Variants in HIVEP3 observed in about 807,000 individuals in gnomAD.
The protein encoded by HIVEP3 is transcription factor HIVEP3.
HIVEP3 carries 49 observed loss-of-function variants against 152.8 expected under a neutral mutation model. The observed-to-expected ratio is 0.32, with a 90% CI of 0.26 to 0.41. The LOEUF is 0.41. HIVEP3 is among the 10% of genes least tolerant of loss of function. HIVEP3 has a pLI of 1.00. For synonymous variants in HIVEP3, 1,269 were observed against 1,289.0 expected (o/e 0.98, Z 0.33); for missense variants, 2,790 against 3,103.3 (o/e 0.90, Z 2.40).
At chr1:41,748,161 C>T (rs540981986) in intron 1 of HIVEP3, among the ~76,000 whole-genome samples, 21 of 152,268 alleles carry the variant, frequency 1.4e-4, no homozygotes, top group African/African-American at 4.8e-4. Context: ...GTGGGAAGCC[C>T]GTCAGAAGTC....
chr1:41,673,806 A>T (rs978689390), intron 2 of HIVEP3, among the ~76,000 whole-genome samples: 12 of 152,344 alleles, frequency 7.9e-5, no homozygotes, highest in African/African-American at 2.9e-4. Flanking sequence ...AAACCAAACC[A>T]TCAGAAATTT....
At chr1:42,010,823 G>T (rs1464462465) in intron 1 of HIVEP3, among the ~76,000 whole-genome samples, 2 of 152,088 alleles carry the variant, frequency 1.3e-5, no homozygotes, top group African/African-American at 4.8e-5. Context: ...CATCTTTCCA[G>T]TTAACCACCA....
chr1:41,843,580 T>C (rs565929306), intron 1 of HIVEP3, among the ~76,000 whole-genome samples: 103 of 151,570 alleles, frequency 6.8e-4, no homozygotes, highest in African/African-American at 2.5e-3. Flanking sequence ...AGACGGGTAG[T>C]TTAAGAAAAA....
intron 4 of HIVEP3, among the ~76,000 whole-genome samples, chr1:41,579,055 A>T (rs909690386): frequency 3.3e-5 from 5 of 152,182 alleles, no homozygotes; most frequent in African/African-American, 9.7e-5. Context: ...ATAGCTCCTG[A>T]TGTAGCCTCA....
chr1:41,745,992 C>T (rs1000707186), intron 1 of HIVEP3, among the ~76,000 whole-genome samples: 3 of 152,196 alleles, frequency 2.0e-5, no homozygotes, highest in African/African-American at 7.2e-5. Context: ...GAATGAATGG[C>T]TAAGTCACAA....
chr1:41,594,257 C>T (rs1312638382), intron 3 of HIVEP3, among the ~76,000 whole-genome samples: 1 of 151,378 alleles, frequency 6.6e-6, no homozygotes, highest in African/African-American at 2.4e-5. Flanking sequence ...GAGTCTCGCT[C>T]TGTTGCCCAG....
chr1:41,970,924 C>T (rs558763551), intron 1 of HIVEP3, among the ~76,000 whole-genome samples: 2 of 152,246 alleles, frequency 1.3e-5, no homozygotes, highest in East Asian at 3.9e-4. Context: ...AGGAAGCTGC[C>T]TGGCCCTGCT....
At chr1:41,709,841 G>A (rs1184570775) in intron 1 of HIVEP3, among the ~76,000 whole-genome samples, 1 of 152,144 alleles carries the variant, frequency 6.6e-6, no homozygotes, top group African/African-American at 2.4e-5. Flanking sequence ...AGGGCAATGG[G>A]GTCAATTGCA....
chr1:41,571,241 C>T (rs1337990744), intron 5 of HIVEP3, among the ~76,000 whole-genome samples: 1 of 152,230 alleles, frequency 6.6e-6, no homozygotes, highest in Non-Finnish European at 1.5e-5. Flanking sequence ...TCTTCCTCTT[C>T]CGTGTAAGCC....
Position 41,580,060 on chromosome 1 carries a change from G to C in HIVEP3, c.4738C>G (p.Pro1580Ala), listed in dbSNP as rs759707756. ...TCCGTACCTTCTTGTGACTTGGCTG[G>C]TCTGGAGGACGTTTCTGACAGAGGC... is the stretch of plus-strand genomic sequence containing the variant. ...SLPLSETSSR[P>A]AKSQEGTDSK... Residue 1580 changes from proline (P) to alanine (A), a missense_variant, in exon 4 of 9, where the codon CCA becomes GCA. Physicochemically the swap from Pro to Ala is conservative, Grantham distance 27 (BLOSUM62 -1). Around this residue, in one of 9 missense-constraint regions of HIVEP3, gnomAD observed 1,078 missense variants for 1,165.3 expected, o/e 0.93. Coordinates refer to ENST00000372583, the MANE Select transcript of HIVEP3 (RefSeq NM_024503.5). 6.2e-7 allele frequency: 1 copy of C among 1,614,214 alleles called. No individual in the cohort carries two copies. The highest frequency in any genetic ancestry group is 8.5e-7 in the Non-Finnish European group (1 of 1,180,038).
At chr1:41,988,102 G>A (rs1432373149) in intron 1 of HIVEP3, among the ~76,000 whole-genome samples, 4 of 152,110 alleles carry the variant, frequency 2.6e-5, no homozygotes, top group Non-Finnish European at 5.9e-5. Flanking sequence ...ATGGATTAAA[G>A]ACTTAAACAT....
At chr1:41,973,052 A>G (rs1475901462) in intron 1 of HIVEP3, among the ~76,000 whole-genome samples, 1 of 151,614 alleles carries the variant, frequency 6.6e-6, no homozygotes, top group Admixed American at 6.6e-5. Context: ...GCGTGCACAC[A>G]CACACACACA....
At position 41,628,947 on chromosome 1, in the gene HIVEP3, C is replaced by G. The variant is rs1012784058; in HGVS notation, c.-720G>C. On this transcript the variant is annotated splice_region_variant and 5_prime_UTR_variant, in exon 3 of 9. Coordinates refer to ENST00000372583, the MANE Select transcript of HIVEP3 (RefSeq NM_024503.5). ...AGGCTGCTGGGTTTGTGCCTCGAAT[C>G]CTGCAGGAGATGATTGAGAAACATG... is the stretch of plus-strand genomic sequence containing the variant. The G allele has an allele frequency of 1.9e-5, 23 of 1,230,310 alleles. No individual in the cohort carries two copies. Among genetic ancestry groups the G allele is most frequent in the Non-Finnish European group, 2.3e-5 (23 of 987,400 alleles). 76.2% of individuals were successfully genotyped at this position (1,230,310 alleles called of 1,614,324 possible).
At chr1:41,807,880 T>C (rs766185268) in intron 1 of HIVEP3, among the ~76,000 whole-genome samples, 5 of 152,002 alleles carry the variant, frequency 3.3e-5, no homozygotes, top group Non-Finnish European at 5.9e-5. Context: ...TGTGTAGTCA[T>C]GATGGGGGGC....
At chr1:41,714,689 C>T (rs1026332802) in intron 1 of HIVEP3, among the ~76,000 whole-genome samples, 1 of 152,142 alleles carries the variant, frequency 6.6e-6, no homozygotes, top group Non-Finnish European at 1.5e-5. Flanking sequence ...AAGGGCTTGG[C>T]CCCTGGGAGA....
At chr1:41,940,662 CGTT>C in intron 1 of HIVEP3, among the ~76,000 whole-genome samples, 1 of 152,020 alleles carries the variant, frequency 6.6e-6, no homozygotes, top group African/African-American at 2.4e-5. Context: ...GCAAGAAACA[CGTT>C]GTGTATACGG....
At chr1:41,589,888 T>C (rs1644561712) in intron 3 of HIVEP3, among the ~76,000 whole-genome samples, 1 of 152,222 alleles carries the variant, frequency 6.6e-6, no homozygotes. Flanking sequence ...TAAAACATAC[T>C]GATGTCAAAA....
chr1:41,845,758 G>A (rs1385695780), intron 1 of HIVEP3, among the ~76,000 whole-genome samples: 1 of 152,140 alleles, frequency 6.6e-6, no homozygotes, highest in Non-Finnish European at 1.5e-5. Flanking sequence ...TACCTGTCAA[G>A]TATGTTTAAT....
chr1:41,525,647 C>T (rs949096261), intron 5 of HIVEP3, among the ~76,000 whole-genome samples: 4 of 152,226 alleles, frequency 2.6e-5, no homozygotes, highest in African/African-American at 9.7e-5. Flanking sequence ...ATGCAGGGTC[C>T]CAGCCACCTG....
Sources: allele counts gnomAD v4.1 joint callset (sites outside exome capture counted in the v4.1 genomes callset), GRCh38; gene constraint gnomAD v4.1.1; regional missense constraint gnomAD v4.1.1; transcripts MANE v1.5; gene names NCBI Gene and HGNC (gene_info 2026-07-23, HGNC 2026-07-21).